Variants in SGCZ observed in about 807,000 individuals in gnomAD.
SGCZ encodes the protein sarcoglycan zeta, also known as zeta-sarcoglycan.
A neutral mutation model predicts 41.3 loss-of-function variants in SGCZ; 40 were observed. The observed-to-expected ratio is 0.97, with a 90% confidence interval of 0.75 to 1.26. The LOEUF is 1.26. SGCZ is among the 50% of genes most tolerant of loss of function. The probability of loss-of-function intolerance (pLI) is 0.00; values close to 1 mark genes in which losing one functional copy is unlikely to be tolerated. For missense variants in SGCZ, 552 were observed against 369.8 expected, an observed-to-expected ratio of 1.49 and a Z score of -4.04; for synonymous variants, 206 against 137.5, an observed-to-expected ratio of 1.50 and a Z score of -3.49.
At chr8:14,414,075 A>G (rs1444445709) in intron 2 of SGCZ, among the ~76,000 whole-genome samples, 1 of 151,986 alleles carries the variant, frequency 6.6e-6, no homozygotes, top group African/African-American at 2.4e-5. Context: ...CGTTAGTTTT[A>G]ACATCAGATA....
chr8:14,394,571 C>G (rs1455636791), intron 2 of SGCZ, among the ~76,000 whole-genome samples: 1 of 152,064 alleles, frequency 6.6e-6, no homozygotes, highest in Admixed American at 6.5e-5. Flanking sequence ...TTTTACGAGC[C>G]TTTTCTAGCA....
intron 2 of SGCZ, among the ~76,000 whole-genome samples, chr8:14,542,880 A>G (rs2117155818): frequency 6.6e-6 from 1 of 152,220 alleles, no homozygotes; most frequent in African/African-American, 2.4e-5. Context: ...AAAGTATCCA[A>G]TGAGTTAGCT....
At chr8:14,250,829 C>T (rs1038110779) in intron 3 of SGCZ, among the ~76,000 whole-genome samples, 7 of 152,174 alleles carry the variant, frequency 4.6e-5, no homozygotes, top group African/African-American at 1.7e-4. Flanking sequence ...CTCTTCTTCC[C>T]TGTCTTAAGT....
At chr8:14,430,658 C>A (rs1040948939) in intron 2 of SGCZ, among the ~76,000 whole-genome samples, 2 of 152,102 alleles carry the variant, frequency 1.3e-5, no homozygotes, top group African/African-American at 4.8e-5. Flanking sequence ...CCACTCTCGC[C>A]ACTCCTCTTC....
At chr8:14,571,350 T>C (rs73535212) in intron 1 of SGCZ, among the ~76,000 whole-genome samples, 3 of 152,134 alleles carry the variant, frequency 2.0e-5, no homozygotes, top group South Asian at 2.1e-4. Context: ...ATATCAACAA[T>C]TGCAAATGTA....
At chr8:14,829,386 G>A (rs1401045419) in intron 1 of SGCZ, among the ~76,000 whole-genome samples, 1 of 152,098 alleles carries the variant, frequency 6.6e-6, no homozygotes, top group African/African-American at 2.4e-5. Context: ...AAAGTGTCTT[G>A]AACTTGATGA....
chr8:14,255,583 A>C (rs1391918330), intron 3 of SGCZ, among the ~76,000 whole-genome samples: 1 of 152,126 alleles, frequency 6.6e-6, no homozygotes, highest in Admixed American at 6.5e-5. Context: ...TAAATTTATT[A>C]AAGATAATTA....
chr8:14,146,890 A>AAAAAAAAAAAAAAAAAAAATAATAAT (rs1182329393), intron 5 of SGCZ, among the ~76,000 whole-genome samples: 2 of 116,186 alleles, frequency 1.7e-5, no homozygotes, highest in Non-Finnish European at 3.6e-5. Context: ...AAAATAAAAA[A>AAAAAAAAAAAAAAAAAAAATAATAAT]AATAATAATA....
At chr8:14,553,566 T>C (rs886967083) in intron 2 of SGCZ, among the ~76,000 whole-genome samples, 22 of 152,088 alleles carry the variant, frequency 1.4e-4, no homozygotes, top group African/African-American at 4.1e-4. Context: ...CTGTTTTATC[T>C]TGATATGCAA....
chr8:14,894,485 A>G (rs1485088121), intron 1 of SGCZ, among the ~76,000 whole-genome samples: 1 of 152,184 alleles, frequency 6.6e-6, no homozygotes, highest in Non-Finnish European at 1.5e-5. Context: ...CTAGACAGAA[A>G]TGGACAAGGA....
At chr8:14,129,744 A>G (rs1266687701) in intron 5 of SGCZ, among the ~76,000 whole-genome samples, 1 of 138,302 alleles carries the variant, frequency 7.2e-6, no homozygotes, top group Non-Finnish European at 1.5e-5. Context: ...AATAACATAT[A>G]AAATAATATA....
intron 1 of SGCZ, among the ~76,000 whole-genome samples, chr8:15,181,794 G>A (rs1246015453): frequency 6.6e-6 from 1 of 152,118 alleles, no homozygotes; most frequent in Non-Finnish European, 1.5e-5. Context: ...TCCATTAGGT[G>A]AATAACAGAT....
chr8:14,222,756 T>C (rs1402493731), intron 4 of SGCZ, among the ~76,000 whole-genome samples: 2 of 149,862 alleles, frequency 1.3e-5, no homozygotes, highest in African/African-American at 4.9e-5. Flanking sequence ...ACCTAACTTA[T>C]TTAATAACTA....
chr8:15,186,106 A>G (rs1190858653), intron 1 of SGCZ, among the ~76,000 whole-genome samples: 2 of 150,108 alleles, frequency 1.3e-5, no homozygotes, highest in Non-Finnish European at 1.5e-5. Flanking sequence ...AAAAATAAAA[A>G]AAAAACTTAG....
chr8:15,064,815 A>T (rs1805067368), intron 1 of SGCZ, among the ~76,000 whole-genome samples: 2 of 152,134 alleles, frequency 1.3e-5, no homozygotes, highest in Non-Finnish European at 1.5e-5. Context: ...CTTCCTTGGC[A>T]ATACTCATAG....
Position 15,176,824 on chromosome 8 carries a change from AC to A in SGCZ, c.39+60760del, listed in dbSNP as rs1284941154. On this transcript the variant is annotated intron_variant, in intron 1 of 7. Transcript: ENST00000382080. ...AGACCATCCTGGCTAACAGGGTGAA[AC>A]CCCATCTCTACTAAAAACACACAAA... 2.6e-5 allele frequency among the ~76,000 whole-genome samples: 4 copies of A among 152,216 alleles called. No homozygotes were observed. In the East Asian group the frequency reaches 5.8e-4, roughly 22 times the overall value.
chr8:14,566,583 T>C (rs1040984143), intron 1 of SGCZ, among the ~76,000 whole-genome samples: 31 of 152,186 alleles, frequency 2.0e-4, no homozygotes, highest in African/African-American at 6.3e-4. Flanking sequence ...CCACCAAAGA[T>C]GAAAAAGGAA....
intron 1 of SGCZ, among the ~76,000 whole-genome samples, chr8:15,059,907 T>A (rs1290426940): frequency 6.6e-6 from 1 of 152,152 alleles, no homozygotes; most frequent in Non-Finnish European, 1.5e-5. Flanking sequence ...AGTAGGGGAA[T>A]AGAACAATGG....
intron 2 of SGCZ, among the ~76,000 whole-genome samples, chr8:14,340,609 C>G (rs1213477568): frequency 6.6e-6 from 1 of 151,970 alleles, no homozygotes; most frequent in Non-Finnish European, 1.5e-5. Context: ...CAAACGTTCA[C>G]TGAGGTTGAA....
Sources: allele counts gnomAD v4.1 joint callset (sites outside exome capture counted in the v4.1 genomes callset), GRCh38; gene constraint gnomAD v4.1.1; transcripts MANE v1.5; gene names NCBI Gene and HGNC (gene_info 2026-07-23, HGNC 2026-07-21).